The following TGFA variants were observed in gnomAD, a reference collection of about 807,000 sequenced individuals.
TGFA encodes protransforming growth factor alpha.
Under a neutral mutation model 21.7 loss-of-function variants are expected in TGFA, and 12 were observed. The observed-to-expected ratio is 0.55, with a 90% CI of 0.35 to 0.90. The LOEUF (loss-of-function observed/expected upper bound fraction) is 0.90, where lower values mean the gene tolerates loss of function less well. Ranked by LOEUF, TGFA falls within the 40% of genes least tolerant of loss-of-function variation. The pLI is 0.01. For synonymous variants in TGFA, 79 were observed against 88.1 expected, an observed-to-expected ratio of 0.90 and a Z score of 0.58; for missense variants, 178 against 210.8, an observed-to-expected ratio of 0.84 and a Z score of 0.96.
chr2:70,546,660 T>C (rs1673315470), intron 1 of TGFA, among the ~76,000 whole-genome samples: 1 of 151,918 alleles, frequency 6.6e-6, no homozygotes, highest in Non-Finnish European at 1.5e-5. Flanking sequence ...TTTCTTTTTT[T>C]TTTGAAGAGA....
At chr2:70,509,492 T>C (rs1672027460) in intron 2 of TGFA, among the ~76,000 whole-genome samples, 1 of 152,180 alleles carries the variant, frequency 6.6e-6, no homozygotes. Context: ...CAGCTGATAA[T>C]GGTGACATTC....
chr2:70,450,903 C>G, intron 5 of TGFA, 37 bp from the exon 6 acceptor site: 1 of 1,600,108 alleles, frequency 6.2e-7, no homozygotes, highest in East Asian at 2.2e-5. Context: ...CACTGTGGGC[C>G]ACACCCTGGC....
At chr2:70,505,625 GA>G (rs1260085572) in intron 2 of TGFA, among the ~76,000 whole-genome samples, 1 of 150,664 alleles carries the variant, frequency 6.6e-6, no homozygotes, top group Non-Finnish European at 1.5e-5. Flanking sequence ...AAGTCAAAAC[GA>G]AAAAAGACCC....
intron 2 of TGFA, among the ~76,000 whole-genome samples, chr2:70,493,654 C>T (rs1275112663): frequency 6.6e-6 from 1 of 152,166 alleles, no homozygotes; most frequent in Non-Finnish European, 1.5e-5. Flanking sequence ...AACAAATAAA[C>T]TAAAATCTAC....
intron 2 of TGFA, among the ~76,000 whole-genome samples, chr2:70,505,131 T>C (rs568679544): frequency 1.3e-5 from 2 of 152,358 alleles, no homozygotes; most frequent in East Asian, 3.9e-4. Flanking sequence ...AAATTCATTT[T>C]AAAGTGTCAC....
intron 1 of TGFA, among the ~76,000 whole-genome samples, chr2:70,548,239 T>C (rs1553506311): frequency 6.6e-6 from 1 of 152,052 alleles, no homozygotes; most frequent in Non-Finnish European, 1.5e-5. Context: ...CACGAGGTCA[T>C]CAAATACTTA....
At chr2:70,529,914 G>T (rs1553503539) in intron 1 of TGFA, among the ~76,000 whole-genome samples, 1 of 152,202 alleles carries the variant, frequency 6.6e-6, no homozygotes, top group Non-Finnish European at 1.5e-5. Flanking sequence ...CATGAGAGTT[G>T]TCAGACATAG....
intron 1 of TGFA, chr2:70,553,323 G>T: frequency 6.6e-7 from 1 of 1,505,224 alleles, no homozygotes; most frequent in African/African-American, 1.4e-5. Flanking sequence ...GTTAGACGCC[G>T]GCCCCCGTTC....
At chr2:70,552,919 G>T (rs1467991297) in intron 1 of TGFA, among the ~76,000 whole-genome samples, 1 of 152,240 alleles carries the variant, frequency 6.6e-6, no homozygotes, top group Non-Finnish European at 1.5e-5. Flanking sequence ...GCCAGGAGGC[G>T]CGCGGCGCTG....
chr2:70,505,491 A>G (rs1209298819), intron 2 of TGFA, among the ~76,000 whole-genome samples: 1 of 152,194 alleles, frequency 6.6e-6, no homozygotes, highest in African/African-American at 2.4e-5. Flanking sequence ...GAGCACCAGG[A>G]AGATGCATTT....
chr2:70,480,004 C>T (rs1170544971), intron 2 of TGFA, among the ~76,000 whole-genome samples: 1 of 152,150 alleles, frequency 6.6e-6, no homozygotes, highest in African/African-American at 2.4e-5. Context: ...TTTCGTGTAG[C>T]ATCATGGGGA....
chr2:70,525,778 T>C (rs1553502902), intron 1 of TGFA, among the ~76,000 whole-genome samples: 1 of 152,146 alleles, frequency 6.6e-6, no homozygotes, highest in African/African-American at 2.4e-5. Context: ...TTCTTACTGC[T>C]GGTAGCAGAT....
intron 1 of TGFA, among the ~76,000 whole-genome samples, chr2:70,547,106 GC>G (rs2103949644): frequency 6.6e-6 from 1 of 152,210 alleles, no homozygotes; most frequent in South Asian, 2.1e-4. Context: ...AAAATTTGTA[GC>G]TATTGCCACG....
rs181933521 is a variant in TGFA, at chr2:70,469,011, T to G, written c.95-3275A>C. 3.1e-3 allele frequency among the ~76,000 whole-genome samples: 472 copies of G among 152,236 alleles called. 4 individuals are homozygous for G. Among genetic ancestry groups the G allele is most frequent in the African/African-American group, 0.011 (452 of 41,554 alleles). On this transcript the variant is annotated intron_variant, in intron 2 of 5. Coordinates refer to ENST00000295400, the MANE Select transcript of TGFA (RefSeq NM_003236.4). ...GGGCTGCTGGGCTAGTGGATCTCAT[T>G]TGATGTACATGTTCAAAAAGGCTTT...
At chr2:70,485,483 G>A (rs1267100215) in intron 2 of TGFA, among the ~76,000 whole-genome samples, 3 of 152,114 alleles carry the variant, frequency 2.0e-5, no homozygotes, top group Non-Finnish European at 2.9e-5. Flanking sequence ...TGATCCACCT[G>A]CCTCGGCCTC....
At chr2:70,550,315 ATT>A (rs370030307) in intron 1 of TGFA, among the ~76,000 whole-genome samples, 416 of 152,134 alleles carry the variant, frequency 2.7e-3, no homozygotes, top group African/African-American at 9.6e-3. Flanking sequence ...TTACCATCTC[ATT>A]TGAGTCTTAC....
chr2:70,471,450 G>A (rs755562756), intron 2 of TGFA, among the ~76,000 whole-genome samples: 13 of 152,188 alleles, frequency 8.5e-5, no homozygotes, highest in Non-Finnish European at 1.6e-4. Flanking sequence ...GCGCCCCTAG[G>A]GTGCTGTACG....
At chr2:70,525,815 G>C (rs1553502912) in intron 1 of TGFA, among the ~76,000 whole-genome samples, 1 of 152,188 alleles carries the variant, frequency 6.6e-6, no homozygotes, top group Non-Finnish European at 1.5e-5. Context: ...CTGAGAACCT[G>C]TGGTGGGAGG....
chr2:70,486,478 T>C (rs551014639), intron 2 of TGFA, among the ~76,000 whole-genome samples: 1 of 151,372 alleles, frequency 6.6e-6, no homozygotes, highest in African/African-American at 2.4e-5. Context: ...TTTGTTGTTG[T>C]TGTTTGTCTT....
Sources: gnomAD v4.1 joint callset for allele counts (sites outside exome capture counted in the v4.1 genomes callset) on GRCh38, gnomAD v4.1.1 for gene constraint, MANE v1.5 for transcripts, NCBI Gene and HGNC (gene_info 2026-07-23, HGNC 2026-07-21) for gene names.